UHRF2: variants seen among roughly 807,000 people sequenced by gnomAD.
UHRF2 encodes ubiquitin like with PHD and ring finger domains 2.
A neutral mutation model predicts 96.8 loss-of-function variants in UHRF2; 23 were observed. The observed-to-expected ratio is 0.24, with a 90% CI of 0.17 to 0.34. The LOEUF (loss-of-function observed/expected upper bound fraction) is 0.34. Ranked by LOEUF, UHRF2 falls within the 10% of genes least tolerant of loss-of-function variation. UHRF2 has a pLI of 1.00. For missense variants in UHRF2, 685 were observed against 981.5 expected (o/e 0.70, Z 4.04); for synonymous variants, 385 against 332.6 (o/e 1.16, Z -1.72).
intron 8 of UHRF2, among the ~76,000 whole-genome samples, chr9:6,483,533 G>A (rs1416778447): frequency 2.6e-5 from 4 of 152,014 alleles, no homozygotes; most frequent in Non-Finnish European, 4.4e-5. Context: ...AGACACAGCC[G>A]TCTGTTTATT....
chr9:6,436,483 C>T (rs553722360), intron 3 of UHRF2, among the ~76,000 whole-genome samples: 5 of 152,180 alleles, frequency 3.3e-5, no homozygotes, highest in Admixed American at 6.5e-5. Context: ...GTTTTAAGTT[C>T]TTGAGATTTG....
chr9:6,428,406 C>G (rs1455881500), intron 2 of UHRF2, among the ~76,000 whole-genome samples: 1 of 151,790 alleles, frequency 6.6e-6, no homozygotes, highest in Non-Finnish European at 1.5e-5. Flanking sequence ...TTTCTTTGTT[C>G]TTTACTAACT....
chr9:6,441,502 C>G (rs527263070), intron 3 of UHRF2, among the ~76,000 whole-genome samples: 2 of 152,216 alleles, frequency 1.3e-5, no homozygotes, highest in South Asian at 4.1e-4. Flanking sequence ...CTAATAAGTC[C>G]TTTGAGTGGC....
At chr9:6,477,597 C>T in intron 5 of UHRF2, 25 bp from the exon 6 acceptor site, 3 of 1,564,082 alleles carry the variant, frequency 1.9e-6, no homozygotes, top group Non-Finnish European at 2.6e-6. Flanking sequence ...TAAGACTAGA[C>T]TTGCTATAAT....
At chr9:6,501,419 C>G (rs1816286606) in intron 14 of UHRF2, among the ~76,000 whole-genome samples, 1 of 152,138 alleles carries the variant, frequency 6.6e-6, no homozygotes, top group Non-Finnish European at 1.5e-5. Flanking sequence ...TTCTTTCTCT[C>G]CAAAGTGTTG....
chr9:6,449,455 C>G (rs966659470), intron 3 of UHRF2: 1 of 152,220 alleles, frequency 6.6e-6, no homozygotes, highest in Non-Finnish European at 1.5e-5. Context: ...CTGCCTAGTT[C>G]TCCTTTCTTT....
chr9:6,501,176 A>G (rs918174226), intron 14 of UHRF2, among the ~76,000 whole-genome samples: 2 of 152,194 alleles, frequency 1.3e-5, no homozygotes, highest in East Asian at 1.9e-4. Context: ...TCTTTAAATT[A>G]ATCACATAAT....
At chr9:6,502,494 C>T (rs1816349792) in intron 14 of UHRF2, among the ~76,000 whole-genome samples, 1 of 152,202 alleles carries the variant, frequency 6.6e-6, no homozygotes, top group African/African-American at 2.4e-5. Context: ...TACTATGTTG[C>T]CCAGACTGAT....
chr9:6,498,613 G>C (rs1312777620), intron 12 of UHRF2: 1 of 154,710 alleles, frequency 6.5e-6, no homozygotes, highest in Non-Finnish European at 1.4e-5. Flanking sequence ...CCGCAAAGCT[G>C]CTTCCCTGCC....
At chr9:6,496,115 A>G (rs926825980) in intron 10 of UHRF2, 2 of 152,162 alleles carry the variant, frequency 1.3e-5, no homozygotes, top group Admixed American at 6.5e-5. Flanking sequence ...TATGGTCAAG[A>G]CATTTCTTTT....
intron 4 of UHRF2, among the ~76,000 whole-genome samples, chr9:6,464,258 A>G (rs1306352410): frequency 1.3e-5 from 2 of 152,176 alleles, no homozygotes; most frequent in Non-Finnish European, 2.9e-5. Context: ...ACCTGGTTCC[A>G]ATTTGGTGAC....
At chr9:6,454,696 C>T (rs753597436) in intron 3 of UHRF2, among the ~76,000 whole-genome samples, 7 of 152,174 alleles carry the variant, frequency 4.6e-5, no homozygotes, top group Non-Finnish European at 1.0e-4. Context: ...CTCCTTCTAA[C>T]TTCAGGCCCA....
chr9:6,415,654 A>G (rs2130701345), intron 1 of UHRF2: 1 of 152,350 alleles, frequency 6.6e-6, no homozygotes, highest in African/African-American at 2.4e-5. Context: ...AATTGTAGAC[A>G]ATACATTTAT....
intron 12 of UHRF2, 93 bp downstream of exon 12, chr9:6,498,251 A>G: frequency 7.4e-7 from 1 of 1,349,520 alleles, no homozygotes; most frequent in Non-Finnish European, 1.0e-6. Flanking sequence ...ACCCACAGCA[A>G]TTGACTGGTG....
chr9:6,503,358 C>G (rs1363860884), intron 14 of UHRF2, among the ~76,000 whole-genome samples: 3 of 151,822 alleles, frequency 2.0e-5, no homozygotes, highest in Middle Eastern at 6.8e-3. Flanking sequence ...CCTAAAATAA[C>G]TGAAGGATTA....
intron 3 of UHRF2, among the ~76,000 whole-genome samples, chr9:6,441,150 A>T (rs1587796475): frequency 6.6e-6 from 1 of 152,118 alleles, no homozygotes; most frequent in African/African-American, 2.4e-5. Context: ...AGGCCAAGGC[A>T]GGTGGATCAC....
rs780754978 is a variant in UHRF2, at chr9:6,506,013, T to C, written c.2263-20T>C. On this transcript the variant is annotated intron_variant, in intron 15 of 15. Coordinates refer to ENST00000276893, the MANE Select transcript of UHRF2 (RefSeq NM_152896.3). ...TGCTTTATGCTCAGATTAAATTGGA[T>C]GTTTTTGTTTTTACCATAGGATTGC... The C allele has an allele frequency of 1.9e-6, 3 of 1,613,454 alleles. No homozygotes were observed. The highest frequency in any genetic ancestry group is 2.7e-5 in the African/African-American group (2 of 74,920).
At chr9:6,457,233 A>G (rs888974342) in intron 3 of UHRF2, among the ~76,000 whole-genome samples, 4 of 151,730 alleles carry the variant, frequency 2.6e-5, no homozygotes, top group African/African-American at 9.7e-5. Context: ...ATCCCTTGTG[A>G]GTTGTATTCC....
intron 3 of UHRF2, among the ~76,000 whole-genome samples, chr9:6,460,199 C>T (rs887380514): frequency 1.3e-5 from 2 of 152,170 alleles, no homozygotes; most frequent in African/African-American, 4.8e-5. Flanking sequence ...TAATACGTGA[C>T]TGAATAGATA....
Sources: gnomAD v4.1 joint callset for allele counts (sites outside exome capture counted in the v4.1 genomes callset) on GRCh38, gnomAD v4.1.1 for gene constraint, MANE v1.5 for transcripts, NCBI Gene and HGNC (gene_info 2026-07-23, HGNC 2026-07-21) for gene names.